RAB10: variants seen among roughly 807,000 people sequenced by gnomAD.
The protein encoded by RAB10 is ras-related protein Rab-10.
RAB10 carries 5 observed loss-of-function variants against 25.7 expected under a neutral mutation model. The ratio of observed to expected loss-of-function variants is 0.19; its 90% confidence interval spans 0.10 to 0.41. The LOEUF (loss-of-function observed/expected upper bound fraction) is 0.41. RAB10 is among the 10% of genes least tolerant of loss of function. RAB10 has a pLI of 1.00. For synonymous variants in RAB10, 89 were observed against 86.4 expected (o/e 1.03, Z -0.16); for missense variants, 103 against 245.8 (o/e 0.42, Z 3.89).
At chr2:26,110,243 CAGG>C (rs1421178353) in intron 3 of RAB10, among the ~76,000 whole-genome samples, 1 of 148,284 alleles carries the variant, frequency 6.7e-6, no homozygotes, top group African/African-American at 2.5e-5. Flanking sequence ...GAGTCCAAGG[CAGG>C]AGAATCTCTT....
chr2:26,087,425 G>T (rs1371907726), intron 1 of RAB10, among the ~76,000 whole-genome samples: 1 of 152,028 alleles, frequency 6.6e-6, no homozygotes, highest in Non-Finnish European at 1.5e-5. Flanking sequence ...TTATTATGAC[G>T]AATTTTCGCT....
intron 1 of RAB10, among the ~76,000 whole-genome samples, chr2:26,065,943 TTTTACCATGACA>T (rs2149268782): frequency 6.6e-6 from 1 of 152,356 alleles, no homozygotes; most frequent in South Asian, 2.1e-4. Flanking sequence ...GGAATATTGT[TTTTACCATGACA>T]GTCTACTTAA....
At chr2:26,128,136 G>A (rs909357766) in intron 5 of RAB10, among the ~76,000 whole-genome samples, 185 bp downstream of exon 5, 64 of 152,168 alleles carry the variant, frequency 4.2e-4, no homozygotes, top group African/African-American at 1.4e-3. Flanking sequence ...TCCATGGACC[G>A]TACTGGGGGG....
intron 4 of RAB10, 27 bp downstream of exon 4, chr2:26,127,260 C>G: frequency 6.7e-7 from 1 of 1,485,318 alleles, no homozygotes; most frequent in Middle Eastern, 1.7e-4. Context: ...AACTGATACT[C>G]TGCTCTGTCT....
At chr2:26,094,482 C>A (rs529804870) in intron 1 of RAB10, among the ~76,000 whole-genome samples, 73 of 152,180 alleles carry the variant, frequency 4.8e-4, no homozygotes, top group African/African-American at 1.6e-3. Context: ...AAACTCCTGA[C>A]CTCAGGTGAC....
rs1331425359 is a variant in RAB10 at position 26,136,001 on chromosome 2, C to T, written c.*980C>T. Reference sequence around the variant, plus strand: ...TTGCTCTCTTCCCTAAAATGTGTCCCAGATGCCTTCATTTGCTGTTTTACT... The same window carrying T: ...TTGCTCTCTTCCCTAAAATGTGTCCTAGATGCCTTCATTTGCTGTTTTACT... On this transcript the variant is annotated 3_prime_UTR_variant, in exon 6 of 6. Coordinates refer to ENST00000264710, the MANE Select transcript of RAB10 (RefSeq NM_016131.5). 1 of 152,652 alleles carries T rather than the reference C, an allele frequency of 6.6e-6. No individual in the cohort carries two copies. The highest frequency in any genetic ancestry group is 1.9e-4 in the East Asian group (1 of 5,202). The allele number at this position is 152,652 out of a possible 1,614,324, so 9.5% of individuals were successfully genotyped here. A position where few individuals can be genotyped will look rare whatever the true frequency, so the allele number is the denominator to read the frequency against.
intron 2 of RAB10, among the ~76,000 whole-genome samples, chr2:26,099,132 C>T (rs1667287637): frequency 6.6e-6 from 1 of 151,972 alleles, no homozygotes; most frequent in Admixed American, 6.6e-5. Flanking sequence ...GTTAGGTTTG[C>T]CTGAAGAAGT....
At chr2:26,058,242 C>T (rs543194045) in intron 1 of RAB10, among the ~76,000 whole-genome samples, 1 of 152,240 alleles carries the variant, frequency 6.6e-6, no homozygotes, top group Admixed American at 6.5e-5. Flanking sequence ...CTTAGCTGGC[C>T]TCCTTGCTTT....
chr2:26,092,095 T>G (rs778124431), intron 1 of RAB10, among the ~76,000 whole-genome samples: 101 of 151,550 alleles, frequency 6.7e-4, no homozygotes, highest in African/African-American at 1.2e-3. Context: ...TTGCTTGAAC[T>G]TGGAAGGCAG....
intron 2 of RAB10, among the ~76,000 whole-genome samples, chr2:26,099,425 C>T (rs1414248279): frequency 6.6e-6 from 1 of 152,072 alleles, no homozygotes; most frequent in East Asian, 1.9e-4. Context: ...CAAAAGTTTC[C>T]TCAAGCCTCT....
intron 1 of RAB10, among the ~76,000 whole-genome samples, chr2:26,045,037 C>T (rs1414855965): frequency 6.7e-6 from 1 of 148,794 alleles, no homozygotes; most frequent in Non-Finnish European, 1.5e-5. Flanking sequence ...AGTAACAAGT[C>T]TTAGAATAAA....
Position 26,034,490 on chromosome 2 carries a change from CT to C in RAB10, c.-114del. The C allele has an allele frequency of 1.2e-5, 17 of 1,414,312 alleles. No individual in the cohort carries two copies. The highest frequency in any genetic ancestry group is 4.6e-5 in the Admixed American group (2 of 43,242). 87.6% of individuals were successfully genotyped at this position (1,414,312 alleles called of 1,614,324 possible). A position where few individuals can be genotyped will look rare whatever the true frequency, so the allele number is the denominator to read the frequency against. ...GTAGGTCGCCCGCGCCGTCTCGAGC[CT>C]TTTTCCCACGCTTCCCCGGTCCTCC... On this transcript the variant is annotated 5_prime_UTR_variant, in exon 1 of 6. Coordinates refer to ENST00000264710, the MANE Select transcript of RAB10 (RefSeq NM_016131.5).
chr2:26,079,866 A>T (rs1211078392), intron 1 of RAB10, among the ~76,000 whole-genome samples: 1 of 152,054 alleles, frequency 6.6e-6, no homozygotes, highest in Non-Finnish European at 1.5e-5. Flanking sequence ...AGGTCTCATT[A>T]TGTTGCCCAG....
intron 3 of RAB10, among the ~76,000 whole-genome samples, chr2:26,110,999 C>T (rs370075869): frequency 8.3e-4 from 127 of 152,298 alleles, no homozygotes; most frequent in African/African-American, 2.7e-3. Flanking sequence ...AGCCACTGCA[C>T]CCAGCCTGAT....
At chr2:26,059,684 T>C (rs1306663945) in intron 1 of RAB10, among the ~76,000 whole-genome samples, 2 of 152,186 alleles carry the variant, frequency 1.3e-5, no homozygotes, top group Non-Finnish European at 2.9e-5. Context: ...ACCCATGTTA[T>C]AACAGCACTA....
chr2:26,134,923 G>A lies in RAB10; in HGVS notation c.520-15G>A. On this transcript the variant is annotated splice_polypyrimidine_tract_variant and intron_variant, in intron 5 of 5. Transcript: ENST00000264710. Reference sequence around the variant, plus strand: ...TGTTTTTTCATGAGTTATTTTCCTTGTGTGTTTGTTGCAGACCCCTGTAAA... The same window carrying A: ...TGTTTTTTCATGAGTTATTTTCCTTATGTGTTTGTTGCAGACCCCTGTAAA... 1 of 1,593,084 alleles carries A rather than the reference G, an allele frequency of 6.3e-7. No individual in the cohort carries two copies. Among genetic ancestry groups the A allele is most frequent in the Non-Finnish European group, 8.6e-7 (1 of 1,164,770 alleles).
intron 3 of RAB10, among the ~76,000 whole-genome samples, chr2:26,112,325 T>C (rs868255235): frequency 6.6e-6 from 1 of 152,162 alleles, no homozygotes; most frequent in Non-Finnish European, 1.5e-5. Flanking sequence ...AATCCTCTTA[T>C]CACTTGGTTG....
chr2:26,052,135 T>C (rs1369767728), intron 1 of RAB10, among the ~76,000 whole-genome samples: 4 of 151,778 alleles, frequency 2.6e-5, no homozygotes, highest in Non-Finnish European at 4.4e-5. Flanking sequence ...CCTAGCACTT[T>C]GGGAGGCTGA....
chr2:26,048,037 GTTTT>G (rs61183627), intron 1 of RAB10, among the ~76,000 whole-genome samples: 1 of 134,682 alleles, frequency 7.4e-6, no homozygotes, highest in African/African-American at 2.7e-5. Context: ...GGGCCCATTA[GTTTT>G]TTTTTTTTTT....
Sources: gnomAD v4.1 joint callset for allele counts (sites outside exome capture counted in the v4.1 genomes callset) on GRCh38, gnomAD v4.1.1 for gene constraint, MANE v1.5 for transcripts, NCBI Gene and HGNC (gene_info 2026-07-23, HGNC 2026-07-21) for gene names.